SWT1: variants seen among roughly 807,000 people sequenced by gnomAD.
SWT1 encodes the protein SWT1 RNA endoribonuclease homolog.
Under a neutral mutation model 107.3 loss-of-function variants are expected in SWT1, and 33 were observed. The observed-to-expected ratio is 0.31, with a 90% CI of 0.23 to 0.41. SWT1 has a LOEUF of 0.41. Among genes scored for constraint, SWT1 ranks in the 10% least tolerant of loss-of-function variants. The pLI is 1.00. For missense variants in SWT1, 898 were observed against 1,028.9 expected (o/e 0.87, Z 1.74); for synonymous variants, 345 against 348.3 (o/e 0.99, Z 0.11).
At chr1:185,269,741 C>T (rs1663713083) in intron 16 of SWT1, among the ~76,000 whole-genome samples, 1 of 152,114 alleles carries the variant, frequency 6.6e-6, no homozygotes, top group Non-Finnish European at 1.5e-5. Context: ...TCAATATTTA[C>T]TTATTTTATA....
chr1:185,184,453 T>G, intron 8 of SWT1, 109 bp downstream of exon 8: 1 of 708,054 alleles, frequency 1.4e-6, no homozygotes, highest in Non-Finnish European at 2.4e-6. Flanking sequence ...TTAGATATGC[T>G]ATATATTAAG....
intron 17 of SWT1, among the ~76,000 whole-genome samples, chr1:185,275,213 T>G (rs1045289559): frequency 1.3e-5 from 2 of 152,154 alleles, no homozygotes; most frequent in South Asian, 4.1e-4. Flanking sequence ...ATGTCTGCAG[T>G]GTGTTGACAT....
At chr1:185,196,059 T>C (rs1657359736) in intron 10 of SWT1, among the ~76,000 whole-genome samples, 1 of 152,204 alleles carries the variant, frequency 6.6e-6, no homozygotes, top group South Asian at 2.1e-4. Context: ...AGTCATGAAG[T>C]CTTTGCCCAT....
At chr1:185,264,533 A>G in intron 16 of SWT1, 3 of 843,018 alleles carry the variant, frequency 3.6e-6, no homozygotes, top group Non-Finnish European at 4.3e-6. Context: ...AATTTTTCCA[A>G]GTATGTTACC....
chr1:185,166,578 AAAG>A lies in SWT1; in HGVS notation c.93_95del (p.Glu32del). ...TTCTTTATTGCATTCTTAGGACAAG[AAAG>A]AGAGAAAAACCCCAGCAAGTTCTAC... On this transcript the variant is annotated inframe_deletion, in exon 3 of 19. Transcript: ENST00000367500. The A allele has an allele frequency of 6.3e-7, 1 of 1,596,398 alleles. No homozygotes were observed. The highest frequency in any genetic ancestry group is 2.2e-5 in the East Asian group (1 of 44,712).
At chr1:185,189,708 T>C (rs1421516708) in intron 9 of SWT1, among the ~76,000 whole-genome samples, 1 of 152,128 alleles carries the variant, frequency 6.6e-6, no homozygotes, top group Non-Finnish European at 1.5e-5. Flanking sequence ...AATCCACAAC[T>C]GTATGCTATG....
intron 10 of SWT1, among the ~76,000 whole-genome samples, chr1:185,199,227 CGCCTGGCCTA>C (rs1305036476): frequency 6.6e-6 from 1 of 152,102 alleles, no homozygotes; most frequent in Non-Finnish European, 1.5e-5. Context: ...TGAGCCACCA[CGCCTGGCCTA>C]GCCCATTTAC....
At chr1:185,208,175 G>A (rs1658485103) in intron 13 of SWT1, among the ~76,000 whole-genome samples, 2 of 152,128 alleles carry the variant, frequency 1.3e-5, no homozygotes, top group Admixed American at 6.6e-5. Context: ...CATTATTGCA[G>A]CACTTGAGCC....
chr1:185,189,604 A>C (rs890146966), intron 9 of SWT1, among the ~76,000 whole-genome samples: 3 of 152,086 alleles, frequency 2.0e-5, no homozygotes, highest in African/African-American at 7.2e-5. Context: ...TTTGGTTTCT[A>C]GTCTGACATT....
chr1:185,202,832 A>G lies in SWT1; in HGVS notation c.1669+33A>G, dbSNP rs371090640. On this transcript the variant is annotated intron_variant, in intron 11 of 18. Coordinates refer to ENST00000367500, the MANE Select transcript of SWT1 (RefSeq NM_017673.7). ...TTTTACTATAAATAATTAGAGATATATCTTATTTTATACACTAAGATTATT... is the reference window on the plus strand; with the variant it reads ...TTTTACTATAAATAATTAGAGATATGTCTTATTTTATACACTAAGATTATT... 335 of 1,203,836 alleles carry G rather than the reference A, an allele frequency of 2.8e-4. 2 individuals are homozygous for G. In the African/African-American group the frequency reaches 4.7e-3, roughly 17 times the overall value. The allele number at this position is 1,203,836 out of a possible 1,614,324, so 74.6% of individuals were successfully genotyped here.
At position 185,278,549 on chromosome 1, in the gene SWT1, T is replaced by C. The variant is rs561014422; in HGVS notation, c.2573+1881T>C. Reference sequence around the variant, plus strand: ...TTCATGAGGAGCTAAAACTGTTTAATTCCTTCACTGTTGCCTTCCAATACC... The same window carrying C: ...TTCATGAGGAGCTAAAACTGTTTAACTCCTTCACTGTTGCCTTCCAATACC... On this transcript the variant is annotated intron_variant, in intron 18 of 18. Coordinates refer to ENST00000367500, the MANE Select transcript of SWT1 (RefSeq NM_017673.7). Among the ~76,000 whole-genome samples, 5 of 152,364 alleles carry C rather than the reference T, an allele frequency of 3.3e-5. No homozygotes were observed. In the South Asian group the frequency reaches 1.0e-3, roughly 32 times the overall value.
intron 2 of SWT1, among the ~76,000 whole-genome samples, chr1:185,165,626 C>T (rs1046020748): frequency 9.9e-5 from 15 of 152,182 alleles, no homozygotes; most frequent in Admixed American, 7.2e-4. Flanking sequence ...TCATGTTACT[C>T]CTCTGCTAAA....
intron 10 of SWT1, among the ~76,000 whole-genome samples, chr1:185,201,004 G>T (rs1657826118): frequency 6.6e-6 from 1 of 152,162 alleles, no homozygotes; most frequent in Admixed American, 6.5e-5. Context: ...GGGCGCTGCG[G>T]TGGGCTTTGC....
intron 18 of SWT1, among the ~76,000 whole-genome samples, chr1:185,284,206 T>G (rs1222624505): frequency 2.0e-5 from 3 of 152,232 alleles, no homozygotes; most frequent in Non-Finnish European, 4.4e-5. Flanking sequence ...TAATATTAAT[T>G]AGGGAAGAGG....
intron 18 of SWT1, among the ~76,000 whole-genome samples, chr1:185,286,148 T>C (rs1664932788): frequency 2.6e-5 from 4 of 152,196 alleles, no homozygotes; most frequent in African/African-American, 9.7e-5. Flanking sequence ...TATTACCATC[T>C]TACTAAATAT....
chr1:185,252,250 A>G (rs986867427), intron 16 of SWT1, among the ~76,000 whole-genome samples: 1 of 152,034 alleles, frequency 6.6e-6, no homozygotes, highest in African/African-American at 2.4e-5. Flanking sequence ...ATACGTGTGC[A>G]TGTGTCTTTA....
chr1:185,261,062 C>T (rs933725626), intron 16 of SWT1, among the ~76,000 whole-genome samples: 5 of 152,068 alleles, frequency 3.3e-5, no homozygotes, highest in Non-Finnish European at 4.4e-5. Flanking sequence ...TTTAAGTATA[C>T]GGTTTAGTGG....
intron 10 of SWT1, among the ~76,000 whole-genome samples, chr1:185,191,860 A>G (rs1656977464): frequency 6.6e-6 from 1 of 152,196 alleles, no homozygotes; most frequent in African/African-American, 2.4e-5. Context: ...TGGGATTAAC[A>G]GATATACTAT....
rs560126251 is a variant in SWT1, at chr1:185,174,527, G to A, written c.380G>A (p.Cys127Tyr). ...GGAACTAAAAAAGACATACATAAAT[G>A]TGTAGACTTTAAACCTAAAGATATC... is the stretch of plus-strand genomic sequence containing the variant. ...SNGTKKDIHK[C>Y]VDFKPKDIKL... is the part of the protein sequence containing the mutation. The change falls in exon 5 of 19, where the codon TGT becomes TAT. Residue 127 changes from cysteine to tyrosine, a missense_variant. Coordinates refer to ENST00000367500, the MANE Select transcript of SWT1 (RefSeq NM_017673.7). 110 of 1,609,722 alleles carry A rather than the reference G, an allele frequency of 6.8e-5. No individual in the cohort carries two copies. The highest frequency in any genetic ancestry group is 5.0e-4 in the Middle Eastern group (3 of 6,038).
Sources: gnomAD v4.1 joint callset for allele counts (sites outside exome capture counted in the v4.1 genomes callset) on GRCh38, gnomAD v4.1.1 for gene constraint, MANE v1.5 for transcripts, NCBI Gene and HGNC (gene_info 2026-07-23, HGNC 2026-07-21) for gene names.